The following TMEM132B variants were observed in gnomAD, a reference collection of about 807,000 sequenced individuals.
TMEM132B encodes transmembrane protein 132B.
A neutral mutation model predicts 90.8 loss-of-function variants in TMEM132B; 18 were observed. The ratio of observed to expected loss-of-function variants is 0.20; its 90% confidence interval spans 0.14 to 0.29. The LOEUF (loss-of-function observed/expected upper bound fraction) is 0.29, where lower values mean the gene tolerates loss of function less well. Among genes scored for constraint, TMEM132B ranks in the 10% least tolerant of loss-of-function variants. The pLI is 1.00. For synonymous variants in TMEM132B, 504 were observed against 523.3 expected (o/e 0.96, Z 0.50); for missense variants, 1,096 against 1,326.8 (o/e 0.83, Z 2.70).
At chr12:125,366,525 A>G (rs1878138504) in intron 2 of TMEM132B, among the ~76,000 whole-genome samples, 1 of 152,184 alleles carries the variant, frequency 6.6e-6, no homozygotes, top group African/African-American at 2.4e-5. Flanking sequence ...TTCTGATAAG[A>G]AGTCAGCCAT....
At chr12:125,247,855 C>G (rs139027707) in intron 1 of TMEM132B, among the ~76,000 whole-genome samples, 75 of 152,348 alleles carry the variant, frequency 4.9e-4, no homozygotes, top group African/African-American at 1.7e-3. Context: ...GTAGGGACTA[C>G]TCCTTGCTGT....
intron 2 of TMEM132B, among the ~76,000 whole-genome samples, chr12:125,396,000 G>T (rs543732464): frequency 6.6e-6 from 1 of 152,306 alleles, no homozygotes; most frequent in Admixed American, 6.5e-5. Flanking sequence ...GCTTGGTTGG[G>T]TCAAATGGTT....
chr12:125,432,568 A>AGAGAGAGAGAGAGAG (rs1566034955), intron 3 of TMEM132B, among the ~76,000 whole-genome samples: 11 of 41,934 alleles, frequency 2.6e-4, no homozygotes, highest in Non-Finnish European at 4.6e-4. Flanking sequence ...GAGAGAGAGA[A>AGAGAGAGAGAGAGAG]AGAGAGTGTT....
intron 3 of TMEM132B, among the ~76,000 whole-genome samples, chr12:125,447,586 G>A (rs1320650654): frequency 6.6e-6 from 1 of 152,110 alleles, no homozygotes; most frequent in Non-Finnish European, 1.5e-5. Flanking sequence ...TATTACACAT[G>A]TATTTGCTTC....
intron 3 of TMEM132B, among the ~76,000 whole-genome samples, chr12:125,513,008 G>A (rs946204470): frequency 6.6e-6 from 1 of 152,190 alleles, no homozygotes; most frequent in Admixed American, 6.5e-5. Flanking sequence ...GGGGTGATGA[G>A]GGGACCCCAC....
At chr12:125,317,158 T>G (rs1277160191) in intron 1 of TMEM132B, among the ~76,000 whole-genome samples, 1 of 152,086 alleles carries the variant, frequency 6.6e-6, no homozygotes, top group Non-Finnish European at 1.5e-5. Flanking sequence ...CTTGGGCAAG[T>G]GACTTCCCCT....
intron 1 of TMEM132B, among the ~76,000 whole-genome samples, chr12:125,344,035 C>A (rs958968081): frequency 2.0e-5 from 3 of 152,206 alleles, no homozygotes; most frequent in African/African-American, 7.2e-5. Context: ...TTTAATTTCT[C>A]CTGCTAGGTA....
At position 125,218,777 on chromosome 12, in the gene TMEM132B, T is replaced by TTTG. The variant is rs1234996587; in HGVS notation, c.67+31913_67+31914insGTT. ...TCTTTCTTGTTGAAGCTGTTTTTTT[T>TTTG]TTTTTTTTTTTTTATTGGAATTACC... On this transcript the variant is annotated intron_variant, in intron 1 of 8. Coordinates refer to ENST00000682704, the MANE Select transcript of TMEM132B (RefSeq NM_001366854.1). Among the ~76,000 whole-genome samples, 11 of 149,908 alleles carry TTTG rather than the reference T, an allele frequency of 7.3e-5. No individual in the cohort carries two copies. The South Asian group carries it at 1.9e-3, about 26-fold the overall frequency.
At chr12:125,569,758 A>AC (rs539972469) in intron 4 of TMEM132B, among the ~76,000 whole-genome samples, 156 of 151,416 alleles carry the variant, frequency 1.0e-3, no homozygotes, top group African/African-American at 3.6e-3. Flanking sequence ...AGCTTGACCA[A>AC]CCCCCCCATC....
chr12:125,248,600 G>A (rs1358716066), intron 1 of TMEM132B, among the ~76,000 whole-genome samples: 2 of 152,192 alleles, frequency 1.3e-5, no homozygotes, highest in Non-Finnish European at 2.9e-5. Flanking sequence ...CCCCATGGAA[G>A]GCTAATAAAT....
chr12:125,567,272 CTATA>C (rs1022192627), intron 4 of TMEM132B, among the ~76,000 whole-genome samples: 1 of 152,108 alleles, frequency 6.6e-6, no homozygotes, highest in African/African-American at 2.4e-5. Context: ...CTGTCTTTCT[CTATA>C]TCTCTCTCTC....
At chr12:125,530,341 C>T (rs12308487) in intron 4 of TMEM132B, among the ~76,000 whole-genome samples, 8,512 of 151,794 alleles carry the variant, frequency 0.056, 399 homozygotes, top group East Asian at 0.27. Flanking sequence ...CTCCACTCCC[C>T]GACCCCCAAC....
At chr12:125,517,665 G>A (rs1883202130) in intron 3 of TMEM132B, among the ~76,000 whole-genome samples, 1 of 152,142 alleles carries the variant, frequency 6.6e-6, no homozygotes, top group African/African-American at 2.4e-5. Flanking sequence ...GATCATCACA[G>A]TATGAATTCA....
intron 1 of TMEM132B, among the ~76,000 whole-genome samples, chr12:125,322,163 T>G (rs4036462): frequency 0.39 from 58,612 of 152,052 alleles, 11,717 homozygotes; most frequent in Admixed American, 0.43. Flanking sequence ...GAGAGGTAAT[T>G]GAATCATGGG....
chr12:125,549,688 T>A (rs915587455), intron 4 of TMEM132B, among the ~76,000 whole-genome samples: 1 of 152,248 alleles, frequency 6.6e-6, no homozygotes, highest in African/African-American at 2.4e-5. Flanking sequence ...TTAAGCACAT[T>A]ACTTAACTTC....
chr12:125,496,503 T>C (rs1283124294), intron 3 of TMEM132B, among the ~76,000 whole-genome samples: 3 of 152,076 alleles, frequency 2.0e-5, no homozygotes, highest in Non-Finnish European at 4.4e-5. Flanking sequence ...GCTCAGACAT[T>C]AGTATGCCAG....
chr12:125,601,845 A>G (rs1318628691), intron 5 of TMEM132B, among the ~76,000 whole-genome samples: 2 of 152,222 alleles, frequency 1.3e-5, no homozygotes, highest in Admixed American at 6.5e-5. Flanking sequence ...TTCTATGCAA[A>G]TAAACTAGAA....
chr12:125,293,395 T>C (rs558553106), intron 1 of TMEM132B, among the ~76,000 whole-genome samples: 1 of 152,338 alleles, frequency 6.6e-6, no homozygotes, highest in South Asian at 2.1e-4. Flanking sequence ...ATTGATCTTG[T>C]CACCCAGGTT....
In TMEM132B at chr12:125,615,078, T is replaced by C. The variant is rs368312830; in HGVS notation, c.1438-28998T>C. 5.4e-4 allele frequency among the ~76,000 whole-genome samples: 82 copies of C among 152,272 alleles called. 2 individuals are homozygous for C. The South Asian group carries it at 0.016, about 30-fold the overall frequency. On this transcript the variant is annotated intron_variant, in intron 5 of 8. Transcript: ENST00000682704. ...TTTCTCTTATACAAGATGAGTCATT[T>C]TTCTTTTGCTGTTTTAAGTATTTTC...
Sources: gnomAD v4.1 joint callset for allele counts (sites outside exome capture counted in the v4.1 genomes callset) on GRCh38, gnomAD v4.1.1 for gene constraint, MANE v1.5 for transcripts, NCBI Gene and HGNC (gene_info 2026-07-23, HGNC 2026-07-21) for gene names.